TRPC6: variants seen among roughly 807,000 people sequenced by gnomAD.
The protein encoded by TRPC6 is transient receptor potential cation channel subfamily C member 6.
In TRPC6, 55 loss-of-function variants were observed where a neutral mutation model predicts 90.7. That is an observed-to-expected ratio of 0.61 (90% CI 0.49 to 0.76). The LOEUF is 0.76. Ranked by LOEUF, TRPC6 falls within the 30% of genes least tolerant of loss-of-function variation. TRPC6 has a pLI of 0.00. For missense variants in TRPC6, 989 were observed against 1,122.7 expected, an observed-to-expected ratio of 0.88 and a Z score of 1.70; for synonymous variants, 393 against 393.0, an observed-to-expected ratio of 1.00 and a Z score of 0.00.
At chr11:101,523,127 C>G (rs952484551) in intron 1 of TRPC6, among the ~76,000 whole-genome samples, 9 of 152,116 alleles carry the variant, frequency 5.9e-5, no homozygotes, top group Non-Finnish European at 8.8e-5. Flanking sequence ...AACAAAGAAC[C>G]CTTACTCTTC....
chr11:101,488,994 A>G lies in TRPC6; in HGVS notation c.1236T>C (p.Ala412=), dbSNP rs763164715. Residue 412 remains alanine (A), a synonymous_variant, in exon 4 of 13, where the codon GCT becomes GCC. Coordinates refer to ENST00000344327, the MANE Select transcript of TRPC6 (RefSeq NM_004621.6). ...CCAGGAAGGGCAGTCCAATGGCAAC[A>G]GCAAGGACCACAAGGAACTTGACCG... is the stretch of plus-strand genomic sequence containing the variant. ...TMAVKFLVVL[A]VAIGLPFLAL... 1 of 1,614,212 alleles carries G rather than the reference A, an allele frequency of 6.2e-7. No homozygotes were observed. Among genetic ancestry groups the G allele is most frequent in the Non-Finnish European group, 8.5e-7 (1 of 1,180,016 alleles).
chr11:101,533,728 G>A (rs1860967723), intron 1 of TRPC6, among the ~76,000 whole-genome samples: 1 of 152,040 alleles, frequency 6.6e-6, no homozygotes, highest in Non-Finnish European at 1.5e-5. Context: ...AGGTATTTCA[G>A]TTTATAAACA....
In TRPC6 at chr11:101,452,112, A is replaced by T. The variant is rs201902673; in HGVS notation, c.*843T>A. On this transcript the variant is annotated 3_prime_UTR_variant, in exon 13 of 13. Coordinates refer to ENST00000344327, the MANE Select transcript of TRPC6 (RefSeq NM_004621.6). ...CACAAAATTGTGCTATAATGGAACC[A>T]AACAACCACAGTGTTTGTTTGGGGT... is the stretch of plus-strand genomic sequence containing the variant. The T allele has an allele frequency of 6.6e-6, 1 of 152,198 alleles. No individual in the cohort carries two copies. Among genetic ancestry groups the T allele is most frequent in the African/African-American group, 2.4e-5 (1 of 41,452 alleles). The allele number at this position is 152,198 out of a possible 1,614,324, so 9.4% of individuals were successfully genotyped here.
chr11:101,480,038 C>T (rs541161631), intron 5 of TRPC6, among the ~76,000 whole-genome samples: 55 of 151,986 alleles, frequency 3.6e-4, no homozygotes, highest in African/African-American at 1.2e-3. Context: ...ATTAGCCAGG[C>T]GTGATAGCTC....
At chr11:101,477,148 T>G (rs141895544) in intron 5 of TRPC6, among the ~76,000 whole-genome samples, 139 of 151,332 alleles carry the variant, frequency 9.2e-4, no homozygotes, top group African/African-American at 3.3e-3. Context: ...AAGGATTTCA[T>G]GACAGCCTTG....
chr11:101,467,200 T>A (rs973109136), intron 10 of TRPC6, among the ~76,000 whole-genome samples: 2 of 152,234 alleles, frequency 1.3e-5, no homozygotes, highest in South Asian at 4.1e-4. Flanking sequence ...CACTACTTCA[T>A]TTATTTCAAG....
intron 1 of TRPC6, among the ~76,000 whole-genome samples, chr11:101,573,261 T>C (rs11493972): frequency 0.31 from 46,556 of 148,656 alleles, 7,665 homozygotes; most frequent in Non-Finnish European, 0.36. Context: ...TTTTACAGAG[T>C]ACCTCCTTTC....
At chr11:101,532,368 G>C (rs780196470) in intron 1 of TRPC6, among the ~76,000 whole-genome samples, 10 of 152,294 alleles carry the variant, frequency 6.6e-5, no homozygotes, top group South Asian at 4.1e-4. Flanking sequence ...CTCCACCTTT[G>C]AGGAAATCTT....
chr11:101,547,719 T>C (rs1861340697), intron 1 of TRPC6, among the ~76,000 whole-genome samples: 1 of 152,184 alleles, frequency 6.6e-6, no homozygotes, highest in African/African-American at 2.4e-5. Context: ...ACTTGTGTCC[T>C]AGAAAACTGC....
intron 1 of TRPC6, among the ~76,000 whole-genome samples, chr11:101,538,197 G>C (rs779724293): frequency 3.3e-5 from 5 of 151,782 alleles, no homozygotes; most frequent in African/African-American, 4.8e-5. Flanking sequence ...CCTCAGTTCT[G>C]TTACCTCCTT....
Position 101,471,315 on chromosome 11 carries a change from T to C in TRPC6, c.2277A>G (p.Thr759=), listed in dbSNP as rs201846053. The C allele has an allele frequency of 1.1e-5, 18 of 1,613,824 alleles. No homozygotes were observed. The highest frequency in any genetic ancestry group is 1.7e-5 in the Admixed American group (1 of 59,990). ...LWFSYFEEGR[T]LPVPFNLVPS... ...GCACCAGATTGAAGGGTACAGGAAG[T>C]GTTCTGCCCTCCTCAAAGTAGGAAA... Residue 759 remains threonine, a synonymous_variant, in exon 9 of 13, where the codon ACA becomes ACG. Coordinates refer to ENST00000344327, the MANE Select transcript of TRPC6 (RefSeq NM_004621.6).
intron 1 of TRPC6, among the ~76,000 whole-genome samples, chr11:101,550,242 T>C (rs761763273): frequency 1.3e-5 from 2 of 151,720 alleles, no homozygotes; most frequent in Middle Eastern, 3.8e-3. Context: ...AGTTCCTTGA[T>C]AGAATTTTAT....
At chr11:101,481,753 T>G (rs1171953804) in intron 5 of TRPC6, among the ~76,000 whole-genome samples, 1 of 152,166 alleles carries the variant, frequency 6.6e-6, no homozygotes, top group Non-Finnish European at 1.5e-5. Flanking sequence ...CTCTGGACTC[T>G]TTAAAGCCAC....
At chr11:101,453,478 C>T (rs962669302) in intron 12 of TRPC6, among the ~76,000 whole-genome samples, 172 bp downstream of exon 12, 1 of 152,120 alleles carries the variant, frequency 6.6e-6, no homozygotes, top group Non-Finnish European at 1.5e-5. Context: ...CCTGTGGAGA[C>T]ATAGCCTGTT....
chr11:101,568,409 G>A (rs574798389), intron 1 of TRPC6, among the ~76,000 whole-genome samples: 139 of 152,292 alleles, frequency 9.1e-4, no homozygotes, highest in Admixed American at 2.2e-3. Flanking sequence ...AAAGTGATGG[G>A]AAGAATGGAA....
chr11:101,473,995 A>G lies in TRPC6; in HGVS notation c.1745-222T>C, dbSNP rs143641966. Among the ~76,000 whole-genome samples the G allele has an allele frequency of 2.3e-3, 344 of 152,324 alleles. 1 individual carries two copies. Among genetic ancestry groups the G allele is most frequent in the African/African-American group, 8.0e-3 (334 of 41,584 alleles). On this transcript the variant is annotated intron_variant, in intron 6 of 12. Transcript: ENST00000344327. ...TAGCAATTTCCCATAAGGGGATAGC[A>G]TAATAGTTAAGAGTTCAGACTATAG...
intron 1 of TRPC6, among the ~76,000 whole-genome samples, chr11:101,560,307 A>C (rs1591138092): frequency 6.6e-6 from 1 of 151,922 alleles, no homozygotes; most frequent in African/African-American, 2.4e-5. Flanking sequence ...TTAAAAAAAA[A>C]AACAGAGAAT....
chr11:101,491,832 C>CATT, intron 2 of TRPC6, 94 bp from the exon 3 acceptor site: 45 of 568,332 alleles, frequency 7.9e-5, no homozygotes, highest in Non-Finnish European at 1.1e-4. Flanking sequence ...TTAAGAGAAA[C>CATT]ATTCTTTTTT....
intron 1 of TRPC6, among the ~76,000 whole-genome samples, chr11:101,577,825 A>G (rs1198978306): frequency 6.6e-6 from 1 of 152,224 alleles, no homozygotes; most frequent in Non-Finnish European, 1.5e-5. Flanking sequence ...CTTTAACGGA[A>G]GAGCCTCAGG....
Sources: gnomAD v4.1 joint callset for allele counts (sites outside exome capture counted in the v4.1 genomes callset) on GRCh38, gnomAD v4.1.1 for gene constraint, MANE v1.5 for transcripts, NCBI Gene and HGNC (gene_info 2026-07-23, HGNC 2026-07-21) for gene names.